ENPP6: variants seen among roughly 807,000 people sequenced by gnomAD.
ENPP6 encodes the protein ectonucleotide pyrophosphatase/phosphodiesterase 6.
A neutral mutation model predicts 42.0 loss-of-function variants in ENPP6; 32 were observed. That is an observed-to-expected ratio of 0.76 (90% confidence interval 0.58 to 1.02). The LOEUF is 1.02. ENPP6 is among the 50% of genes least tolerant of loss of function. The pLI is 0.00. For missense variants in ENPP6, 552 were observed against 566.8 expected, an observed-to-expected ratio of 0.97 and a Z score of 0.27; for synonymous variants, 213 against 216.0, an observed-to-expected ratio of 0.99 and a Z score of 0.12.
chr4:184,196,610 G>A (rs1732804348), intron 1 of ENPP6, among the ~76,000 whole-genome samples: 1 of 152,224 alleles, frequency 6.6e-6, no homozygotes, highest in Admixed American at 6.5e-5. Context: ...CCTTTTGGAA[G>A]GAGGGCATCT....
chr4:184,172,487 C>A (rs919343414), intron 1 of ENPP6, among the ~76,000 whole-genome samples: 8 of 152,094 alleles, frequency 5.3e-5, no homozygotes, highest in Admixed American at 3.3e-4. Context: ...CAGCTCCAGC[C>A]CCTCCCATGC....
At chr4:184,180,585 C>T (rs947705702) in intron 1 of ENPP6, among the ~76,000 whole-genome samples, 3 of 152,070 alleles carry the variant, frequency 2.0e-5, no homozygotes, top group African/African-American at 7.2e-5. Context: ...CAATATCCCT[C>T]ATGAACATAG....
intron 2 of ENPP6, among the ~76,000 whole-genome samples, chr4:184,127,880 T>C (rs1349172853): frequency 6.6e-6 from 1 of 152,216 alleles, no homozygotes; most frequent in Non-Finnish European, 1.5e-5. Context: ...GGGTCTAAAG[T>C]TCCAAATTAT....
chr4:184,117,999 G>A (rs1306616252), intron 3 of ENPP6, 99 bp from the exon 4 acceptor site: 39 of 1,439,222 alleles, frequency 2.7e-5, no homozygotes, highest in Middle Eastern at 5.0e-4. Context: ...CACGCCCCCC[G>A]AAACCTTGTC....
At chr4:184,166,121 A>G (rs925511536) in intron 1 of ENPP6, among the ~76,000 whole-genome samples, 4 of 152,232 alleles carry the variant, frequency 2.6e-5, no homozygotes, top group South Asian at 4.1e-4. Context: ...TCAAAGACAC[A>G]CTTTGGATGT....
intron 2 of ENPP6, among the ~76,000 whole-genome samples, chr4:184,131,184 T>TCTTTCTTTC: frequency 1.6e-5 from 1 of 62,964 alleles, no homozygotes; most frequent in Admixed American, 1.3e-4. Flanking sequence ...TTTCTTTCTT[T>TCTTTCTTTC]CTTTCTTTCT....
chr4:184,092,683 C>T lies in ENPP6; in HGVS notation c.1118-1301G>A, dbSNP rs572758058. Among the ~76,000 whole-genome samples the T allele has an allele frequency of 2.6e-5, 4 of 152,186 alleles. 1 individual carries two copies. The South Asian group carries it at 8.3e-4, about 32-fold the overall frequency. ...TTAGGCCCCAAACCAGAGCTTGTAA[C>T]AAAATACCCAATGCTACATTAAGGT... On this transcript the variant is annotated intron_variant, in intron 7 of 7. Coordinates refer to ENST00000296741, the MANE Select transcript of ENPP6 (RefSeq NM_153343.4).
intron 1 of ENPP6, among the ~76,000 whole-genome samples, chr4:184,171,886 C>T (rs1032513871): frequency 6.6e-6 from 1 of 151,964 alleles, no homozygotes; most frequent in African/African-American, 2.4e-5. Context: ...GAATCTTGCT[C>T]GCGGGCGGGA....
chr4:184,157,972 A>G (rs1289104680), intron 1 of ENPP6, among the ~76,000 whole-genome samples: 1 of 152,102 alleles, frequency 6.6e-6, no homozygotes. Flanking sequence ...TTAGATTTCA[A>G]TCAGTCTTAA....
At chr4:184,169,490 T>C (rs979023973) in intron 1 of ENPP6, among the ~76,000 whole-genome samples, 1 of 152,132 alleles carries the variant, frequency 6.6e-6, no homozygotes, top group Non-Finnish European at 1.5e-5. Context: ...CCAGCAGCCC[T>C]CTCTCTGCCT....
intron 1 of ENPP6, among the ~76,000 whole-genome samples, chr4:184,165,295 A>G (rs1314241742): frequency 1.3e-5 from 2 of 152,224 alleles, no homozygotes; most frequent in African/African-American, 4.8e-5. Context: ...GAGATGGAGA[A>G]TATTACCTCC....
intron 1 of ENPP6, among the ~76,000 whole-genome samples, chr4:184,198,415 TC>T (rs1363656908): frequency 6.6e-6 from 1 of 152,184 alleles, no homozygotes; most frequent in African/African-American, 2.4e-5. Flanking sequence ...TGGGAGCCCT[TC>T]CGAGGCTGTA....
At chr4:184,135,203 A>G (rs1736713432) in intron 2 of ENPP6, among the ~76,000 whole-genome samples, 1 of 152,142 alleles carries the variant, frequency 6.6e-6, no homozygotes, top group African/African-American at 2.4e-5. Flanking sequence ...AAATTCAATC[A>G]GGTAAAAATG....
intron 7 of ENPP6, among the ~76,000 whole-genome samples, chr4:184,095,137 C>T (rs564682823): frequency 4.5e-4 from 69 of 152,296 alleles, no homozygotes; most frequent in Non-Finnish European, 9.0e-4. Context: ...AGGCTCTCCA[C>T]GCTGTATCTG....
At chr4:184,131,142 TTTC>T in intron 2 of ENPP6, among the ~76,000 whole-genome samples, 1 of 33,070 alleles carries the variant, frequency 3.0e-5, no homozygotes, top group Admixed American at 2.3e-4. Context: ...CAGCACTTAC[TTTC>T]TTTCTTTCTT....
At chr4:184,121,177 C>T (rs1736411095) in intron 3 of ENPP6, among the ~76,000 whole-genome samples, 1 of 152,224 alleles carries the variant, frequency 6.6e-6, no homozygotes, top group Non-Finnish European at 1.5e-5. Context: ...GCACTAATTC[C>T]CTTCCCTCCT....
Position 184,124,129 on chromosome 4 carries a change from A to C in ENPP6, c.533+32T>G, listed in dbSNP as rs200439381. On this transcript the variant is annotated intron_variant, in intron 3 of 7. Transcript: ENST00000296741. ...ATGATCAGTCCTGGAAACAAGGAAGAAAATGGTGTGGCTAGAGTTTGGGAC... is the reference window on the plus strand; with the variant it reads ...ATGATCAGTCCTGGAAACAAGGAAGCAAATGGTGTGGCTAGAGTTTGGGAC... 2,392 of 1,540,486 alleles carry C rather than the reference A, an allele frequency of 1.6e-3. 3 individuals carry two copies. Among genetic ancestry groups the C allele is most frequent in the Non-Finnish European group, 2.0e-3 (2,255 of 1,114,102 alleles).
chr4:184,118,666 T>C (rs4073445), intron 3 of ENPP6, among the ~76,000 whole-genome samples: 46,489 of 152,110 alleles, frequency 0.31, 7,515 homozygotes, highest in Admixed American at 0.43. Flanking sequence ...GGCTGAGACC[T>C]CTTGCCTGTC....
intron 1 of ENPP6, among the ~76,000 whole-genome samples, chr4:184,165,510 G>A (rs768500153): frequency 4.6e-5 from 7 of 152,172 alleles, no homozygotes; most frequent in South Asian, 2.1e-4. Context: ...AAATGAACTC[G>A]TAAGTCAGGC....
Sources: allele counts gnomAD v4.1 joint callset (sites outside exome capture counted in the v4.1 genomes callset), GRCh38; gene constraint gnomAD v4.1.1; transcripts MANE v1.5; gene names NCBI Gene and HGNC (gene_info 2026-07-23, HGNC 2026-07-21).